The following FGF14 variants were observed in gnomAD, a reference collection of about 807,000 sequenced individuals.
The protein encoded by FGF14 is fibroblast growth factor homologous factor 4.
A neutral mutation model predicts 25.5 loss-of-function variants in FGF14; 5 were observed. That is an observed-to-expected ratio of 0.20 (90% CI 0.10 to 0.41). The LOEUF is 0.41. FGF14 is among the 10% of genes least tolerant of loss of function. FGF14 has a pLI of 1.00. For synonymous variants in FGF14, 138 were observed against 118.3 expected (o/e 1.17, Z -1.08); for missense variants, 222 against 320.1 (o/e 0.69, Z 2.34).
At chr13:102,072,022 C>T (rs687973) in intron 1 of FGF14, among the ~76,000 whole-genome samples, 5,135 of 152,138 alleles carry the variant, frequency 0.034, 264 homozygotes, top group African/African-American at 0.12. Flanking sequence ...TTTATACCAC[C>T]GCAAAATAAG....
intron 1 of FGF14, among the ~76,000 whole-genome samples, chr13:101,955,434 C>G (rs966669306): frequency 6.6e-6 from 1 of 152,148 alleles, no homozygotes; most frequent in African/African-American, 2.4e-5. Flanking sequence ...TACAAAGGGA[C>G]ACAATTTGTG....
intron 1 of FGF14, among the ~76,000 whole-genome samples, chr13:102,104,539 G>A (rs752752002): frequency 6.6e-6 from 1 of 152,142 alleles, no homozygotes; most frequent in Non-Finnish European, 1.5e-5. Flanking sequence ...ACCTTGGAAG[G>A]CTGAGACAGG....
intron 1 of FGF14, among the ~76,000 whole-genome samples, chr13:102,222,551 T>A (rs1017720464): frequency 1.3e-5 from 2 of 152,220 alleles, no homozygotes; most frequent in Non-Finnish European, 2.9e-5. Flanking sequence ...AGGGCATCCC[T>A]AGCTGTTAAA....
intron 1 of FGF14, among the ~76,000 whole-genome samples, chr13:102,397,229 T>G (rs1434580126): frequency 6.6e-6 from 1 of 152,142 alleles, no homozygotes; most frequent in African/African-American, 2.4e-5. Context: ...AAGTAGCTTT[T>G]TAAAAAAACG....
At chr13:102,196,388 T>C (rs567028265) in intron 1 of FGF14, among the ~76,000 whole-genome samples, 12 of 152,248 alleles carry the variant, frequency 7.9e-5, no homozygotes, top group African/African-American at 2.6e-4. Context: ...TAAAGAAATT[T>C]GGATTCAAGC....
intron 1 of FGF14, among the ~76,000 whole-genome samples, chr13:102,157,716 T>C (rs1238904554): frequency 6.6e-6 from 1 of 151,128 alleles, no homozygotes; most frequent in African/African-American, 2.4e-5. Flanking sequence ...AAAGAGCTTC[T>C]GTTCAGAGTG....
At chr13:101,788,963 G>GAGAGAGAC (rs1566904030) in intron 3 of FGF14, among the ~76,000 whole-genome samples, 1 of 46,260 alleles carries the variant, frequency 2.2e-5, no homozygotes, top group Non-Finnish European at 5.4e-5. Flanking sequence ...GAGAGAGAGA[G>GAGAGAGAC]AGAGAGACAG....
At chr13:101,927,819 C>T (rs1308197874) in intron 1 of FGF14, among the ~76,000 whole-genome samples, 2 of 152,134 alleles carry the variant, frequency 1.3e-5, no homozygotes, top group Admixed American at 6.5e-5. Flanking sequence ...GGGGCTCCAC[C>T]TCCCCAGAGC....
chr13:102,059,113 C>A (rs1270588262), intron 1 of FGF14, among the ~76,000 whole-genome samples: 1 of 151,956 alleles, frequency 6.6e-6, no homozygotes, highest in Admixed American at 6.6e-5. Context: ...ATACCAGAAC[C>A]AATAAAGAAT....
chr13:101,781,226 G>T (rs1053921402), intron 3 of FGF14, among the ~76,000 whole-genome samples: 2 of 152,082 alleles, frequency 1.3e-5, no homozygotes, highest in African/African-American at 4.8e-5. Context: ...AACTGATCTT[G>T]CCTTTCTCTT....
At chr13:102,230,347 T>C (rs943232571) in intron 1 of FGF14, among the ~76,000 whole-genome samples, 1 of 152,220 alleles carries the variant, frequency 6.6e-6, no homozygotes, top group African/African-American at 2.4e-5. Flanking sequence ...CTAAGACAGA[T>C]ACCAAAGTTA....
intron 3 of FGF14, among the ~76,000 whole-genome samples, chr13:101,840,049 A>G (rs961993306): frequency 1.3e-5 from 2 of 152,032 alleles, no homozygotes; most frequent in Non-Finnish European, 2.9e-5. Flanking sequence ...TATTGAAGGA[A>G]AACCAAGCCT....
intron 1 of FGF14, among the ~76,000 whole-genome samples, chr13:102,094,908 T>C (rs1244002602): frequency 2.0e-5 from 3 of 152,050 alleles, no homozygotes; most frequent in African/African-American, 7.2e-5. Context: ...CCAAACACAA[T>C]GTCCCTAATT....
intron 1 of FGF14, among the ~76,000 whole-genome samples, chr13:102,004,387 C>T (rs2039669629): frequency 6.6e-6 from 1 of 152,262 alleles, no homozygotes; most frequent in Non-Finnish European, 1.5e-5. Context: ...GTTCACCATA[C>T]CATAGACCAA....
At chr13:102,103,467 A>T (rs1017711108) in intron 1 of FGF14, among the ~76,000 whole-genome samples, 13 of 151,666 alleles carry the variant, frequency 8.6e-5, no homozygotes, top group East Asian at 5.8e-4. Flanking sequence ...TGAGCCCCTG[A>T]TTTTTTTTGT....
intron 1 of FGF14, among the ~76,000 whole-genome samples, chr13:102,245,641 T>A (rs992154791): frequency 6.6e-6 from 1 of 152,156 alleles, no homozygotes; most frequent in East Asian, 1.9e-4. Context: ...TAATGAAAAA[T>A]AATTTTAATA....
intron 1 of FGF14, among the ~76,000 whole-genome samples, chr13:102,116,174 G>T (rs1013849015): frequency 1.2e-4 from 18 of 152,234 alleles, no homozygotes; most frequent in African/African-American, 4.3e-4. Context: ...CACTAGGATG[G>T]CTATTATAAT....
intron 1 of FGF14, among the ~76,000 whole-genome samples, chr13:102,166,947 T>A (rs2048038652): frequency 6.6e-6 from 1 of 151,958 alleles, no homozygotes; most frequent in Non-Finnish European, 1.5e-5. Context: ...AATTGGCTGT[T>A]TGGGGAAGAG....
intron 3 of FGF14, among the ~76,000 whole-genome samples, chr13:101,810,506 C>T (rs565581713): frequency 3.2e-4 from 49 of 152,236 alleles, no homozygotes; most frequent in African/African-American, 1.1e-3. Flanking sequence ...TGCTGACGAC[C>T]ATATCACTGC....
Sources: allele counts gnomAD v4.1 joint callset (sites outside exome capture counted in the v4.1 genomes callset), GRCh38; gene constraint gnomAD v4.1.1; transcripts MANE v1.5; gene names NCBI Gene and HGNC (gene_info 2026-07-23, HGNC 2026-07-21).